HERC1: variants seen among roughly 807,000 people sequenced by gnomAD.
HERC1 encodes the protein probable E3 ubiquitin-protein ligase HERC1.
HERC1 carries 160 observed loss-of-function variants against 554.3 expected under a neutral mutation model. The observed-to-expected ratio is 0.29, with a 90% CI of 0.25 to 0.33. The LOEUF (loss-of-function observed/expected upper bound fraction) is 0.33, where lower values mean the gene tolerates loss of function less well. Ranked by LOEUF, HERC1 falls within the 10% of genes least tolerant of loss-of-function variation. The pLI is 1.00. For missense variants in HERC1, 4,919 were observed against 5,918.5 expected (o/e 0.83, Z 5.54); for synonymous variants, 2,175 against 2,131.7 (o/e 1.02, Z -0.56).
chr15:63,661,382 C>T (rs1252507722), intron 45 of HERC1, among the ~76,000 whole-genome samples: 3 of 152,048 alleles, frequency 2.0e-5, no homozygotes, highest in Non-Finnish European at 2.9e-5. Flanking sequence ...TTATGGAACT[C>T]GTTTAATCAA....
At chr15:63,816,016 C>T (rs1036469023) in intron 1 of HERC1, among the ~76,000 whole-genome samples, 1 of 152,086 alleles carries the variant, frequency 6.6e-6, no homozygotes, top group Non-Finnish European at 1.5e-5. Flanking sequence ...TACCTCCCAC[C>T]GGGTCCCTCC....
At chr15:63,657,260 G>GTTT (rs770864894) in intron 48 of HERC1, among the ~76,000 whole-genome samples, 1,303 of 124,772 alleles carry the variant, frequency 0.01, 27 homozygotes, top group African/African-American at 0.037. Flanking sequence ...TTTGTCTTAG[G>GTTT]TTTTTTTTTT....
At chr15:63,629,846 G>A (rs1306685307) in intron 69 of HERC1, among the ~76,000 whole-genome samples, 2 of 152,148 alleles carry the variant, frequency 1.3e-5, no homozygotes, top group African/African-American at 2.4e-5. Context: ...TGCATGTGGA[G>A]CTAAAAGTCA....
At chr15:63,832,281 G>T (rs2078183670) in intron 1 of HERC1, among the ~76,000 whole-genome samples, 1 of 152,140 alleles carries the variant, frequency 6.6e-6, no homozygotes, top group Non-Finnish European at 1.5e-5. Context: ...GTGTGTGTGT[G>T]TGTGTGTCTC....
intron 1 of HERC1, among the ~76,000 whole-genome samples, chr15:63,782,709 G>A (rs887215897): frequency 3.3e-5 from 5 of 152,352 alleles, no homozygotes; most frequent in South Asian, 4.1e-4. Context: ...TCTGAGATCT[G>A]GGTAAAGTCA....
rs1378368921 is a variant in HERC1 at position 63,727,016 on chromosome 15, G to A, written c.3346+631C>T. ...AAACTGGCCAGGGGCGGTGGCTCCCGTCTGTAATCCCAGCATTTTGGGAGG... is the reference window on the plus strand; with the variant it reads ...AAACTGGCCAGGGGCGGTGGCTCCCATCTGTAATCCCAGCATTTTGGGAGG... On this transcript the variant is annotated intron_variant, in intron 17 of 77. Coordinates refer to ENST00000443617, the MANE Select transcript of HERC1 (RefSeq NM_003922.4). The surrounding 1 kb of genome is among the most constrained non-coding windows in gnomAD (Gnocchi z 4.3). 3.9e-5 allele frequency among the ~76,000 whole-genome samples: 6 copies of A among 151,968 alleles called. No individual in the cohort carries two copies. The highest frequency in any genetic ancestry group is 2.1e-4 in the South Asian group (1 of 4,826).
chr15:63,832,497 T>C (rs968586381), intron 1 of HERC1, among the ~76,000 whole-genome samples: 2 of 152,174 alleles, frequency 1.3e-5, no homozygotes, highest in East Asian at 1.9e-4. Context: ...CTGAGGTAAA[T>C]AGGTTTCTTC....
intron 67 of HERC1, among the ~76,000 whole-genome samples, 168 bp from the exon 68 acceptor site, chr15:63,632,979 A>C (rs1294390839): frequency 6.6e-6 from 1 of 152,258 alleles, no homozygotes; most frequent in African/African-American, 2.4e-5. Context: ...ACTGTTCTGC[A>C]AACTAACTGA....
chr15:63,672,609 G>C lies in HERC1; in HGVS notation c.7932C>G (p.Thr2644=). ...VTTSPSASST[T]SFMSSSLEDT... ...CCTCCAGAGAGCTGCTCATAAAGGA[G>C]GTCGTGCTTGAGGCTGATGGGCTAG... Residue 2644 remains threonine, a synonymous_variant, in exon 39 of 78, where the codon ACC becomes ACG. Transcript: ENST00000443617. 6.2e-7 allele frequency: 1 copy of C among 1,612,768 alleles called. No homozygotes were observed. Among genetic ancestry groups the C allele is most frequent in the Non-Finnish European group, 8.5e-7 (1 of 1,179,388 alleles).
At position 63,641,545 on chromosome 15, in the gene HERC1, C is replaced by G. The variant is rs774051498; in HGVS notation, c.11532G>C (p.Leu3844Phe). ...ATGCTCTCATGCAGGGAGCCATGTT[C>G]AATCCCAGAACACCCTGCTGTTTCA... ...TALKQQGVLG[L>F]NMAPCMRAFL... The change falls in exon 60 of 78, where the codon TTG becomes TTC. Residue 3844 changes from leucine to phenylalanine, a missense_variant. Transcript: ENST00000443617. 1.2e-6 allele frequency: 2 copies of G among 1,612,670 alleles called. No homozygotes were observed.
intron 77 of HERC1, among the ~76,000 whole-genome samples, chr15:63,609,942 C>T (rs1446340536): frequency 6.6e-6 from 1 of 152,088 alleles, no homozygotes; most frequent in African/African-American, 2.4e-5. Context: ...ATTCTAGATA[C>T]ATCATATAAA....
intron 72 of HERC1, 34 bp from the exon 73 acceptor site, chr15:63,623,924 A>C (rs759038993): frequency 1.2e-5 from 20 of 1,602,630 alleles, no homozygotes; most frequent in Middle Eastern, 1.7e-4. Flanking sequence ...ATGAAATACA[A>C]CTCTTACCAA....
intron 38 of HERC1, among the ~76,000 whole-genome samples, chr15:63,673,632 CT>C (rs1204530598): frequency 4.6e-5 from 7 of 151,200 alleles, no homozygotes; most frequent in Admixed American, 4.6e-4. Flanking sequence ...TAAAACAGAG[CT>C]TTTCTTTTTT....
intron 53 of HERC1, 29 bp downstream of exon 53, chr15:63,651,224 C>T (rs2069659048): frequency 1.9e-6 from 3 of 1,603,834 alleles, no homozygotes; most frequent in Non-Finnish European, 2.6e-6. Flanking sequence ...CTACTTTCAG[C>T]AGTTTACTAG....
chr15:63,720,693 A>AT (rs937844550), intron 19 of HERC1, among the ~76,000 whole-genome samples: 3 of 152,206 alleles, frequency 2.0e-5, no homozygotes, highest in Non-Finnish European at 2.9e-5. Context: ...GACAATCCTC[A>AT]TCAGGCTCTT....
chr15:63,685,821 AC>A (rs2071728816), intron 34 of HERC1, among the ~76,000 whole-genome samples: 1 of 152,234 alleles, frequency 6.6e-6, no homozygotes, highest in Non-Finnish European at 1.5e-5. Flanking sequence ...GCATGGGGGA[AC>A]TTGACTGGTA....
At chr15:63,822,954 T>C (rs1206017072) in intron 1 of HERC1, among the ~76,000 whole-genome samples, 1 of 152,234 alleles carries the variant, frequency 6.6e-6, no homozygotes, top group Admixed American at 6.5e-5. Context: ...CATTTATTAA[T>C]ACTAAGAGCA....
intron 74 of HERC1, among the ~76,000 whole-genome samples, chr15:63,617,281 A>G (rs1256715083): frequency 1.3e-5 from 2 of 152,202 alleles, no homozygotes; most frequent in East Asian, 1.9e-4. Context: ...TGTCCTTGCA[A>G]TAGTTTGCTG....
At chr15:63,688,624 T>C (rs770725484) in intron 33 of HERC1, among the ~76,000 whole-genome samples, 7 of 151,990 alleles carry the variant, frequency 4.6e-5, no homozygotes, top group African/African-American at 9.6e-5. Flanking sequence ...TTAGATTGAA[T>C]AGAAGAAGAA....
Sources: gnomAD v4.1 joint callset for allele counts (sites outside exome capture counted in the v4.1 genomes callset) on GRCh38, gnomAD v4.1.1 for gene constraint, Gnocchi (gnomAD v3.1) non-coding constraint, MANE v1.5 for transcripts, NCBI Gene and HGNC (gene_info 2026-07-23, HGNC 2026-07-21) for gene names.